The following ADAMTSL1 variants were observed in gnomAD, a reference collection of about 807,000 sequenced individuals.
The protein encoded by ADAMTSL1 is ADAMTS-like protein 1.
Under a neutral mutation model 201.8 loss-of-function variants are expected in ADAMTSL1, and 126 were observed. The observed-to-expected ratio is 0.62, with a 90% CI of 0.54 to 0.72. The LOEUF is 0.72. Among genes scored for constraint, ADAMTSL1 ranks in the 30% least tolerant of loss-of-function variants. ADAMTSL1 has a pLI of 0.00. For missense variants in ADAMTSL1, 2,679 were observed against 2,277.8 expected, an observed-to-expected ratio of 1.18 and a Z score of -3.59; for synonymous variants, 1,121 against 903.4, an observed-to-expected ratio of 1.24 and a Z score of -4.32.
At chr9:18,334,641 A>G (rs1490096951) in intron 2 of ADAMTSL1, among the ~76,000 whole-genome samples, 2 of 152,134 alleles carry the variant, frequency 1.3e-5, no homozygotes, top group African/African-American at 2.4e-5. Flanking sequence ...TCATCTATCT[A>G]ATTTCTGCAT....
chr9:18,297,926 A>G (rs757104181), intron 2 of ADAMTSL1, among the ~76,000 whole-genome samples: 2 of 152,118 alleles, frequency 1.3e-5, no homozygotes, highest in South Asian at 2.1e-4. Context: ...ATGTGATGCT[A>G]TTGTTTTATT....
intron 5 of ADAMTSL1, chr9:18,622,682 T>A: frequency 1.9e-6 from 1 of 516,942 alleles, no homozygotes; most frequent in Non-Finnish European, 3.4e-6. Context: ...TCCCAGCTCC[T>A]GCGTGATGTG....
At chr9:18,378,035 G>A (rs530501471) in intron 2 of ADAMTSL1, among the ~76,000 whole-genome samples, 23 of 152,230 alleles carry the variant, frequency 1.5e-4, no homozygotes, top group South Asian at 1.0e-3. Context: ...ATGAGCCCCC[G>A]ATGATGAGAA....
chr9:18,124,530 G>T (rs1403282414), intron 1 of ADAMTSL1, among the ~76,000 whole-genome samples: 2 of 152,018 alleles, frequency 1.3e-5, no homozygotes, highest in Non-Finnish European at 2.9e-5. Context: ...CATTCTGTGG[G>T]CTCTCTTTTT....
intron 1 of ADAMTSL1, among the ~76,000 whole-genome samples, chr9:17,957,033 A>G (rs1324379419): frequency 6.6e-6 from 1 of 152,172 alleles, no homozygotes; most frequent in African/African-American, 2.4e-5. Context: ...TTCAGGATAT[A>G]TACATATTTT....
intron 27 of ADAMTSL1, 101 bp downstream of exon 27, chr9:18,905,992 C>T: frequency 9.5e-7 from 1 of 1,053,188 alleles, no homozygotes; most frequent in Non-Finnish European, 1.4e-6. Context: ...TACCACAGTC[C>T]CAAGCCCTGC....
At chr9:18,065,143 T>C (rs552332961) in intron 1 of ADAMTSL1, among the ~76,000 whole-genome samples, 1 of 152,186 alleles carries the variant, frequency 6.6e-6, no homozygotes, top group African/African-American at 2.4e-5. Context: ...AGAAAACTTT[T>C]TTCATGTTTA....
intron 1 of ADAMTSL1, among the ~76,000 whole-genome samples, chr9:18,150,529 T>G (rs947823741): frequency 2.0e-5 from 3 of 152,054 alleles, no homozygotes; most frequent in Non-Finnish European, 4.4e-5. Context: ...TGAAGTATAG[T>G]GAAGACTTCT....
chr9:18,644,506 T>A (rs1004277150), intron 7 of ADAMTSL1, among the ~76,000 whole-genome samples: 6 of 152,094 alleles, frequency 3.9e-5, no homozygotes, highest in Non-Finnish European at 7.4e-5. Flanking sequence ...CATTTGGTAT[T>A]AGGTATATCT....
chr9:18,768,293 G>A (rs1019243013), intron 16 of ADAMTSL1, among the ~76,000 whole-genome samples: 9 of 152,158 alleles, frequency 5.9e-5, no homozygotes, highest in Non-Finnish European at 1.3e-4. Flanking sequence ...CGCAGGAGTT[G>A]CTACAACCAC....
intron 7 of ADAMTSL1, among the ~76,000 whole-genome samples, chr9:18,656,134 T>TC (rs1828643502): frequency 6.6e-6 from 1 of 152,040 alleles, no homozygotes; most frequent in African/African-American, 2.4e-5. Flanking sequence ...ATTTCCATAT[T>TC]CCCATCTAAA....
intron 2 of ADAMTSL1, among the ~76,000 whole-genome samples, chr9:18,208,455 A>G (rs1455090960): frequency 6.6e-6 from 1 of 152,202 alleles, no homozygotes; most frequent in African/African-American, 2.4e-5. Context: ...ATACACGGCA[A>G]CCAATGAGTG....
At chr9:18,591,900 G>A (rs1403366601) in intron 4 of ADAMTSL1, among the ~76,000 whole-genome samples, 1 of 152,196 alleles carries the variant, frequency 6.6e-6, no homozygotes, top group Non-Finnish European at 1.5e-5. Flanking sequence ...TGAAGAAGTG[G>A]TAAGCAGTTG....
chr9:18,570,268 A>G (rs1486581133), intron 3 of ADAMTSL1, among the ~76,000 whole-genome samples: 1 of 152,002 alleles, frequency 6.6e-6, no homozygotes, highest in Admixed American at 6.6e-5. Context: ...AGGATCAGGA[A>G]GTATAATGGT....
chr9:18,073,135 GT>G (rs1823040576), intron 1 of ADAMTSL1, among the ~76,000 whole-genome samples: 2 of 152,156 alleles, frequency 1.3e-5, no homozygotes, highest in Admixed American at 6.5e-5. Flanking sequence ...GGCCTGCCAC[GT>G]GTTTTCTCTT....
chr9:17,991,009 A>C (rs911031859), intron 1 of ADAMTSL1, among the ~76,000 whole-genome samples: 1 of 152,176 alleles, frequency 6.6e-6, no homozygotes, highest in Non-Finnish European at 1.5e-5. Context: ...CTTTGACAGA[A>C]AATTCCAAAC....
chr9:18,875,174 TG>T (rs1828075097), intron 23 of ADAMTSL1, among the ~76,000 whole-genome samples: 1 of 152,162 alleles, frequency 6.6e-6, no homozygotes, highest in African/African-American at 2.4e-5. Flanking sequence ...AACCCACTAA[TG>T]GTCTATCAGT....
chr9:18,818,635 A>G (rs985312685), intron 21 of ADAMTSL1, among the ~76,000 whole-genome samples: 3 of 152,088 alleles, frequency 2.0e-5, no homozygotes, highest in African/African-American at 4.8e-5. Flanking sequence ...CTACAAAAAA[A>G]TACAAAAATT....
Position 18,817,120 on chromosome 9 carries a change from G to C in ADAMTSL1, c.3817G>C (p.Val1273Leu). The C allele has an allele frequency of 1.9e-6, 3 of 1,608,976 alleles. No individual in the cohort carries two copies. The highest frequency in any genetic ancestry group is 2.5e-6 in the Non-Finnish European group (3 of 1,177,938). The change falls in exon 21 of 29, where the codon GTG becomes CTG. Residue 1273 changes from valine to leucine, a missense_variant. Coordinates refer to ENST00000380548, the MANE Select transcript of ADAMTSL1 (RefSeq NM_001040272.6). ...TTTCTTATCTTCAGGAAAGCCACTA[G>C]TGAAAACGTCACGAATGACAGTGAT... ...IAVTLAGKPLVKTSRMTVINT... is the reference protein window; with the variant it reads ...IAVTLAGKPLLKTSRMTVINT...
Sources: allele counts gnomAD v4.1 joint callset (sites outside exome capture counted in the v4.1 genomes callset), GRCh38; gene constraint gnomAD v4.1.1; transcripts MANE v1.5; gene names NCBI Gene and HGNC (gene_info 2026-07-23, HGNC 2026-07-21).